The following TNFRSF21 variants were observed in gnomAD, a reference collection of about 807,000 sequenced individuals.
The protein encoded by TNFRSF21 is tumor necrosis factor receptor superfamily member 21.
Under a neutral mutation model 45.6 loss-of-function variants are expected in TNFRSF21, and 19 were observed. The observed-to-expected ratio is 0.42, with a 90% confidence interval of 0.29 to 0.61. The LOEUF is 0.61. Ranked by LOEUF, TNFRSF21 falls within the 20% of genes least tolerant of loss-of-function variation. TNFRSF21 has a pLI of 0.23. For missense variants in TNFRSF21, 737 were observed against 851.5 expected, an observed-to-expected ratio of 0.87 and a Z score of 1.67; for synonymous variants, 314 against 335.5, an observed-to-expected ratio of 0.94 and a Z score of 0.70.
At chr6:47,250,384 T>C (rs537051638) in intron 4 of TNFRSF21, among the ~76,000 whole-genome samples, 1 of 152,348 alleles carries the variant, frequency 6.6e-6, no homozygotes, top group African/African-American at 2.4e-5. Context: ...AGTTTAGATA[T>C]TGAACTTGAA....
chr6:47,283,502 C>T (rs932880094), intron 3 of TNFRSF21, among the ~76,000 whole-genome samples: 1 of 152,152 alleles, frequency 6.6e-6, no homozygotes, highest in African/African-American at 2.4e-5. Context: ...GGTTTTGTCC[C>T]CTTCATTTGC....
rs568972098 is a variant in TNFRSF21 at position 47,259,724 on chromosome 6, T to C, written c.1244-6203A>G. Among the ~76,000 whole-genome samples the C allele has an allele frequency of 7.2e-5, 11 of 152,186 alleles. No individual in the cohort carries two copies. In the East Asian group the frequency reaches 1.2e-3, roughly 16 times the overall value. ...AGATCCTGGAGCTCTGGAGAATGGA[T>C]GAAGTTTCTGAGGAGGTCATCAAAG... On this transcript the variant is annotated intron_variant, in intron 3 of 5. Transcript: ENST00000296861.
chr6:47,265,369 GT>G (rs908631046), intron 3 of TNFRSF21, among the ~76,000 whole-genome samples: 10 of 149,770 alleles, frequency 6.7e-5, no homozygotes, highest in African/African-American at 9.8e-5. Flanking sequence ...ACTGAGCACA[GT>G]TTTTTTGTTT....
At chr6:47,296,050 T>C (rs1055602364) in intron 1 of TNFRSF21, among the ~76,000 whole-genome samples, 1 of 152,166 alleles carries the variant, frequency 6.6e-6, no homozygotes, top group Non-Finnish European at 1.5e-5. Flanking sequence ...CTCATCTCCT[T>C]CCGTGTCCTT....
intron 3 of TNFRSF21, among the ~76,000 whole-genome samples, chr6:47,275,780 C>G (rs755919544): frequency 6.6e-6 from 1 of 152,296 alleles, no homozygotes. Flanking sequence ...CCTGCCCTCA[C>G]ACGTTCAAAA....
At chr6:47,235,890 T>C (rs1216734491) in intron 4 of TNFRSF21, among the ~76,000 whole-genome samples, 1 of 151,976 alleles carries the variant, frequency 6.6e-6, no homozygotes, top group Non-Finnish European at 1.5e-5. Flanking sequence ...ACACACAAGA[T>C]GGTTTCAGAT....
chr6:47,307,875 CATAGTAGTGG>C (rs1420603013), intron 1 of TNFRSF21, among the ~76,000 whole-genome samples: 1 of 152,168 alleles, frequency 6.6e-6, no homozygotes, highest in Non-Finnish European at 1.5e-5. Context: ...GCACCTGAAA[CATAGTAGTGG>C]ATAGTAGTGG....
intron 3 of TNFRSF21, among the ~76,000 whole-genome samples, chr6:47,281,932 A>G (rs970060749): frequency 2.6e-5 from 4 of 152,040 alleles, no homozygotes; most frequent in Admixed American, 2.0e-4. Flanking sequence ...GCTTAGTCTG[A>G]TAAGACCCAA....
chr6:47,253,112 G>T, intron 4 of TNFRSF21, 144 bp downstream of exon 4: 1 of 976,486 alleles, frequency 1.0e-6, no homozygotes, highest in Non-Finnish European at 1.5e-6. Context: ...GGGTGTGTGT[G>T]TGTGTGTGCA....
Position 47,232,725 on chromosome 6 carries a change from A to T in TNFRSF21, c.*40T>A, listed in dbSNP as rs747537689. 7 of 1,589,060 alleles carry T rather than the reference A, an allele frequency of 4.4e-6. No individual in the cohort carries two copies. The East Asian group carries it at 1.6e-4, about 36-fold the overall frequency. On this transcript the variant is annotated 3_prime_UTR_variant, in exon 6 of 6. Transcript: ENST00000296861. ...AAGAAAATTAAAAAACCACCCTGCC[A>T]CTAAATTGAGTAATTTCCAGAATGC... is the stretch of plus-strand genomic sequence containing the variant.
chr6:47,296,245 A>G (rs889087206), intron 1 of TNFRSF21, among the ~76,000 whole-genome samples: 1 of 152,204 alleles, frequency 6.6e-6, no homozygotes. Context: ...GGCAAAACCA[A>G]TGACTCTGGC....
At chr6:47,286,789 CAGCTTGATCTACT>C (rs1193664192) in intron 1 of TNFRSF21, among the ~76,000 whole-genome samples, 194 bp from the exon 2 acceptor site, 30 of 152,340 alleles carry the variant, frequency 2.0e-4, no homozygotes, top group African/African-American at 7.0e-4. Flanking sequence ...TCCCACCCTA[CAGCTTGATCTACT>C]GGCTGTGATG....
chr6:47,271,137 C>G (rs1415576559), intron 3 of TNFRSF21, among the ~76,000 whole-genome samples: 1 of 152,112 alleles, frequency 6.6e-6, no homozygotes, highest in African/African-American at 2.4e-5. Flanking sequence ...CCAAGGCAGG[C>G]CAACATTCAA....
intron 4 of TNFRSF21, among the ~76,000 whole-genome samples, chr6:47,244,897 A>G (rs1764801821): frequency 6.6e-6 from 1 of 152,226 alleles, no homozygotes; most frequent in Non-Finnish European, 1.5e-5. Context: ...AGAATAAGGG[A>G]CACTTTCACA....
intron 1 of TNFRSF21, among the ~76,000 whole-genome samples, chr6:47,294,005 G>A (rs560494021): frequency 6.6e-6 from 1 of 152,150 alleles, no homozygotes; most frequent in African/African-American, 2.4e-5. Flanking sequence ...ATGCCCTCAA[G>A]GACCCAACTC....
intron 3 of TNFRSF21, among the ~76,000 whole-genome samples, chr6:47,255,459 G>GTT (rs569910724): frequency 7.8e-4 from 114 of 146,346 alleles, no homozygotes; most frequent in African/African-American, 1.3e-3. Flanking sequence ...CATGTCTTTG[G>GTT]TTTTTTTTTT....
chr6:47,306,021 A>G (rs1166915412), intron 1 of TNFRSF21, among the ~76,000 whole-genome samples: 1 of 152,200 alleles, frequency 6.6e-6, no homozygotes, highest in Non-Finnish European at 1.5e-5. Flanking sequence ...CTCAGGCAGA[A>G]TAGTACAATT....
Position 47,232,354 on chromosome 6 carries a change from GAAGTT to G in TNFRSF21, c.*406_*410del, listed in dbSNP as rs139274798. ...TCACAAGATGCCATTATACTTTTAA[GAAGTT>G]AAGAGCCTCACAATCCAGTGTGTGG... On this transcript the variant is annotated 3_prime_UTR_variant, in exon 6 of 6. Coordinates refer to ENST00000296861, the MANE Select transcript of TNFRSF21 (RefSeq NM_014452.5). 0.065 allele frequency: 10,464 copies of G among 161,908 alleles called. 503 individuals are homozygous for G. The highest frequency in any genetic ancestry group is 0.13 in the African/African-American group (5,384 of 41,578). The allele number at this position is 161,908 out of a possible 1,614,324, so 10.0% of individuals were successfully genotyped here.
intron 3 of TNFRSF21, among the ~76,000 whole-genome samples, chr6:47,267,389 C>T (rs1271024503): frequency 2.0e-5 from 3 of 152,124 alleles, no homozygotes; most frequent in South Asian, 4.1e-4. Context: ...CGTGAGTCAC[C>T]GCACCTGGCC....
Sources: allele counts gnomAD v4.1 joint callset (sites outside exome capture counted in the v4.1 genomes callset), GRCh38; gene constraint gnomAD v4.1.1; transcripts MANE v1.5; gene names NCBI Gene and HGNC (gene_info 2026-07-23, HGNC 2026-07-21).